Variants in DCC observed in about 807,000 individuals in gnomAD.
DCC encodes netrin receptor DCC.
DCC carries 58 observed loss-of-function variants against 172.5 expected under a neutral mutation model. The observed-to-expected ratio is 0.34, with a 90% CI of 0.27 to 0.42. DCC has a LOEUF of 0.42. Ranked by LOEUF, DCC falls within the 10% of genes least tolerant of loss-of-function variation. The probability of loss-of-function intolerance (pLI) is 1.00; values close to 1 mark genes in which losing one functional copy is unlikely to be tolerated. For missense variants in DCC, 1,740 were observed against 1,791.0 expected, an observed-to-expected ratio of 0.97 and a Z score of 0.51; for synonymous variants, 709 against 644.5, an observed-to-expected ratio of 1.10 and a Z score of -1.52.
chr18:53,425,995 G>A (rs1459568223), intron 21 of DCC, among the ~76,000 whole-genome samples: 1 of 151,816 alleles, frequency 6.6e-6, no homozygotes, highest in African/African-American at 2.4e-5. Context: ...CCATTTTGCA[G>A]AGCATTTAGG....
intron 5 of DCC, among the ~76,000 whole-genome samples, chr18:52,962,820 T>A (rs370060672): frequency 6.6e-6 from 1 of 151,710 alleles, no homozygotes; most frequent in African/African-American, 2.4e-5. Flanking sequence ...ATGGATGAAA[T>A]TGGAAACCAT....
chr18:52,498,113 A>G (rs976417390), intron 1 of DCC, among the ~76,000 whole-genome samples: 1 of 151,792 alleles, frequency 6.6e-6, no homozygotes, highest in Non-Finnish European at 1.5e-5. Flanking sequence ...TACCTGTCAC[A>G]AAATGTTCTT....
intron 2 of DCC, among the ~76,000 whole-genome samples, chr18:52,859,642 A>G (rs2039107835): frequency 1.3e-5 from 2 of 152,198 alleles, no homozygotes; most frequent in South Asian, 2.1e-4. Context: ...AATCTTTTCT[A>G]AATCTGGACT....
chr18:53,165,092 C>T (rs60862795), intron 8 of DCC, among the ~76,000 whole-genome samples: 3,064 of 152,196 alleles, frequency 0.02, 40 homozygotes, highest in Middle Eastern at 0.027. Flanking sequence ...ATTTTATGAG[C>T]ATCATTCAAT....
In DCC at chr18:52,701,026, G is replaced by A. The variant is rs148877046; in HGVS notation, c.92-51028G>A. Among the ~76,000 whole-genome samples the A allele has an allele frequency of 4.2e-3, 637 of 152,266 alleles. 6 individuals are homozygous for A. The highest frequency in any genetic ancestry group is 0.015 in the African/African-American group (614 of 41,552). On this transcript the variant is annotated intron_variant, in intron 1 of 28. Coordinates refer to ENST00000442544, the MANE Select transcript of DCC (RefSeq NM_005215.4). ...ATTGGCCATGGTGGATTATATCTGT[G>A]ATAGCCTCCGATCAGTGACTAACAT...
chr18:53,496,546 G>C (rs181162689), intron 26 of DCC, among the ~76,000 whole-genome samples: 1 of 152,310 alleles, frequency 6.6e-6, no homozygotes, highest in African/African-American at 2.4e-5. Context: ...AAACCAGAAT[G>C]CCTCTTCTCC....
chr18:52,543,381 C>T (rs1415213540), intron 1 of DCC, among the ~76,000 whole-genome samples: 2 of 152,098 alleles, frequency 1.3e-5, no homozygotes, highest in Admixed American at 6.5e-5. Flanking sequence ...CACTTAACAG[C>T]TCTTCTCAAT....
intron 12 of DCC, among the ~76,000 whole-genome samples, chr18:53,231,895 T>G (rs2056126321): frequency 6.6e-6 from 1 of 152,164 alleles, no homozygotes; most frequent in Non-Finnish European, 1.5e-5. Flanking sequence ...GCCAAAAGAC[T>G]GATAAAAGTC....
chr18:52,893,918 G>GT (rs1237380336), intron 2 of DCC, among the ~76,000 whole-genome samples: 2 of 150,762 alleles, frequency 1.3e-5, no homozygotes, highest in East Asian at 3.9e-4. Context: ...AAAAAAAACA[G>GT]TATCAGGCTC....
chr18:53,449,119 AAATT>A (rs1268760721), intron 22 of DCC, among the ~76,000 whole-genome samples: 1 of 152,216 alleles, frequency 6.6e-6, no homozygotes, highest in East Asian at 1.9e-4. Flanking sequence ...GATGTATAGA[AAATT>A]AATATAGGTT....
In DCC at chr18:53,335,692, C is replaced by G. The variant is rs539909334; in HGVS notation, c.2165-4021C>G. ...TGACCTAGTTATTTGATCATTCAGA[C>G]TCTAGTAAAAATTTGGGGCCTTGTA... is the stretch of plus-strand genomic sequence containing the variant. On this transcript the variant is annotated intron_variant, in intron 14 of 28. Transcript: ENST00000442544. Among the ~76,000 whole-genome samples, 5 of 152,164 alleles carry G rather than the reference C, an allele frequency of 3.3e-5. No individual in the cohort carries two copies. The South Asian group carries it at 1.0e-3, about 32-fold the overall frequency.
At chr18:53,203,465 T>G (rs574019202) in intron 9 of DCC, among the ~76,000 whole-genome samples, 2 of 152,120 alleles carry the variant, frequency 1.3e-5, no homozygotes, top group African/African-American at 4.8e-5. Context: ...ACAAGGAATC[T>G]CAAGGTTCCA....
intron 1 of DCC, among the ~76,000 whole-genome samples, chr18:52,461,896 A>T (rs1228291173): frequency 6.6e-6 from 1 of 152,194 alleles, no homozygotes; most frequent in Non-Finnish European, 1.5e-5. Context: ...AGATGCATCA[A>T]AGGAAACCTG....
At chr18:52,643,450 C>T (rs1392816918) in intron 1 of DCC, among the ~76,000 whole-genome samples, 4 of 152,162 alleles carry the variant, frequency 2.6e-5, no homozygotes, top group East Asian at 1.9e-4. Context: ...GGCCATCCTT[C>T]GCAATGCTCA....
intron 12 of DCC, among the ~76,000 whole-genome samples, chr18:53,238,627 T>C (rs763730321): frequency 6.6e-5 from 10 of 152,104 alleles, no homozygotes; most frequent in Non-Finnish European, 1.2e-4. Context: ...AGAAGCCTTA[T>C]AATACTAGTA....
chr18:52,955,959 CA>C (rs2040735769), intron 5 of DCC, among the ~76,000 whole-genome samples: 1 of 151,218 alleles, frequency 6.6e-6, no homozygotes, highest in Non-Finnish European at 1.5e-5. Context: ...TTTGGGCTAT[CA>C]TTTTTTTTTT....
chr18:52,920,735 A>C (rs929783498), intron 3 of DCC, among the ~76,000 whole-genome samples: 1 of 152,192 alleles, frequency 6.6e-6, no homozygotes, highest in Non-Finnish European at 1.5e-5. Flanking sequence ...TTGAATGTTT[A>C]TAGCAGATTT....
At chr18:52,633,631 A>G (rs887132979) in intron 1 of DCC, among the ~76,000 whole-genome samples, 1 of 152,192 alleles carries the variant, frequency 6.6e-6, no homozygotes, top group East Asian at 1.9e-4. Context: ...TCAATTTGCA[A>G]CAATATTCAG....
chr18:52,782,645 C>A (rs557963238), intron 2 of DCC, among the ~76,000 whole-genome samples: 11 of 152,210 alleles, frequency 7.2e-5, no homozygotes, highest in African/African-American at 2.6e-4. Flanking sequence ...CATCTTTCTT[C>A]CTCCATGTGT....
Sources: gnomAD v4.1 joint callset for allele counts (sites outside exome capture counted in the v4.1 genomes callset) on GRCh38, gnomAD v4.1.1 for gene constraint, MANE v1.5 for transcripts, NCBI Gene and HGNC (gene_info 2026-07-23, HGNC 2026-07-21) for gene names.